Variants in IMMP1L observed in about 807,000 individuals in gnomAD.
IMMP1L encodes mitochondrial inner membrane protease subunit 1.
IMMP1L carries 24 observed loss-of-function variants against 21.8 expected under a neutral mutation model. The ratio of observed to expected loss-of-function variants is 1.10; its 90% CI spans 0.80 to 1.55. The LOEUF (loss-of-function observed/expected upper bound fraction) is 1.55. Ranked by LOEUF, IMMP1L falls within the 40% of genes most tolerant of loss-of-function variation. The probability of loss-of-function intolerance (pLI) is 0.00; values close to 1 mark genes in which losing one functional copy is unlikely to be tolerated. For synonymous variants in IMMP1L, 46 were observed against 62.8 expected, an observed-to-expected ratio of 0.73 and a Z score of 1.26; for missense variants, 195 against 200.7, an observed-to-expected ratio of 0.97 and a Z score of 0.17.
chr11:31,482,260 A>G (rs996292363), intron 1 of IMMP1L, among the ~76,000 whole-genome samples: 1 of 152,124 alleles, frequency 6.6e-6, no homozygotes, highest in Admixed American at 6.6e-5. Context: ...TAAAGCAAAA[A>G]TGCTTTTGAA....
intron 1 of IMMP1L, among the ~76,000 whole-genome samples, chr11:31,497,619 GC>G (rs1335482914): frequency 6.6e-6 from 1 of 151,970 alleles, no homozygotes; most frequent in Non-Finnish European, 1.5e-5. Context: ...GCGCTACCAC[GC>G]CCAGCTAATT....
At chr11:31,447,055 T>C (rs1299540234) in intron 4 of IMMP1L, among the ~76,000 whole-genome samples, 1 of 152,202 alleles carries the variant, frequency 6.6e-6, no homozygotes, top group East Asian at 1.9e-4. Context: ...TTTCCATTAT[T>C]TCAGAAAGTT....
At chr11:31,496,155 C>T (rs1342707904) in intron 1 of IMMP1L, among the ~76,000 whole-genome samples, 2 of 151,244 alleles carry the variant, frequency 1.3e-5, no homozygotes, top group South Asian at 2.1e-4. Flanking sequence ...AATTCAAAAC[C>T]GGCAAAGGTT....
chr11:31,468,265 T>C (rs1258259004), intron 1 of IMMP1L, among the ~76,000 whole-genome samples: 2 of 152,124 alleles, frequency 1.3e-5, no homozygotes, highest in Non-Finnish European at 2.9e-5. Flanking sequence ...CGTAGGAGAA[T>C]GACCTTGTTC....
chr11:31,471,599 C>T (rs1954553071), intron 1 of IMMP1L, among the ~76,000 whole-genome samples: 1 of 152,060 alleles, frequency 6.6e-6, no homozygotes, highest in South Asian at 2.1e-4. Flanking sequence ...TTTAGTACTT[C>T]CTCCAATGTA....
intron 4 of IMMP1L, among the ~76,000 whole-genome samples, chr11:31,454,449 CAAAAAAAAA>C (rs71463320): frequency 2.6e-4 from 8 of 30,406 alleles, no homozygotes; most frequent in African/African-American, 6.3e-4. Flanking sequence ...AAGACCATGT[CAAAAAAAAA>C]AAAAAAAAAA....
intron 4 of IMMP1L, among the ~76,000 whole-genome samples, chr11:31,446,181 T>C (rs1953511220): frequency 6.6e-6 from 1 of 152,166 alleles, no homozygotes; most frequent in African/African-American, 2.4e-5. Context: ...TTTTTAAGCC[T>C]TTCAATTCCC....
rs1214993006 is a variant in IMMP1L, at chr11:31,456,271, T to C, written c.310A>G (p.Ser104Gly). ...GAAATGTTACTTACATAACTATGGC[T>C]TTTAAAGAAATCTGATGGACTAGTG... ...LTTSPSDFFK[S>G]HSYVPMGHVW... is the part of the protein sequence containing the mutation. The change falls in exon 4 of 6, where the codon AGC becomes GGC. Residue 104 changes from serine (S) to glycine (G), a missense_variant. Transcript: ENST00000532287. 1 of 1,595,740 alleles carries C rather than the reference T, an allele frequency of 6.3e-7. No homozygotes were observed. The highest frequency in any genetic ancestry group is 1.7e-5 in the Admixed American group (1 of 59,390).
chr11:31,441,508 A>G (rs1314704962), intron 4 of IMMP1L, among the ~76,000 whole-genome samples: 1 of 152,132 alleles, frequency 6.6e-6, no homozygotes. Context: ...TTAAACAAAC[A>G]TACAGTAAAA....
chr11:31,453,082 T>A (rs1045777474), intron 4 of IMMP1L: 1 of 1,289,370 alleles, frequency 7.8e-7, no homozygotes, highest in African/African-American at 1.5e-5. Flanking sequence ...AACTGCTTAG[T>A]TTCCAAATAC....
At position 31,507,237 on chromosome 11, in the gene IMMP1L, G is replaced by A. The variant is rs1295482222; in HGVS notation, c.-30+2282C>T. ...ACAGCTTGCAGTGAGCCGAGATCGC[G>A]CCACTGCACTCCAGCCCGGGGAACA... On this transcript the variant is annotated intron_variant, in intron 1 of 5. Transcript: ENST00000532287. Among the ~76,000 whole-genome samples the A allele has an allele frequency of 2.6e-5, 4 of 151,924 alleles. No homozygotes were observed. The South Asian group carries it at 8.3e-4, about 31-fold the overall frequency.
At chr11:31,459,694 C>G (rs1954071261) in intron 3 of IMMP1L, among the ~76,000 whole-genome samples, 1 of 152,038 alleles carries the variant, frequency 6.6e-6, no homozygotes, top group African/African-American at 2.4e-5. Context: ...ACCTCCATCT[C>G]CCAGGTTCAA....
rs117132373 is a variant in IMMP1L at position 31,465,625 on chromosome 11, C to A, written c.-29-2320G>T. On this transcript the variant is annotated intron_variant, in intron 1 of 5. Transcript: ENST00000532287. ...TAGACCAATGGGACACAATAGAGAA[C>A]CCAGAAATAAATCCATGTATTTACA... Among the ~76,000 whole-genome samples the A allele has an allele frequency of 1.4e-4, 21 of 152,048 alleles. No individual in the cohort carries two copies. The East Asian group carries it at 4.1e-3, about 29-fold the overall frequency.
intron 1 of IMMP1L, 155 bp downstream of exon 1, chr11:31,509,364 T>C (rs1213610255): frequency 1.8e-5 from 3 of 167,742 alleles, no homozygotes; most frequent in Non-Finnish European, 4.0e-5. Flanking sequence ...AGAAGATAAA[T>C]GAGCAGGAAA....
chr11:31,477,659 C>T (rs1032526677), intron 1 of IMMP1L: 2 of 318,066 alleles, frequency 6.3e-6, no homozygotes, highest in African/African-American at 2.2e-5. Flanking sequence ...AAGGTGTTAC[C>T]GATAATCCCA....
intron 1 of IMMP1L, among the ~76,000 whole-genome samples, chr11:31,470,231 A>C (rs1045104797): frequency 3.9e-5 from 6 of 152,014 alleles, no homozygotes; most frequent in African/African-American, 1.4e-4. Context: ...CTAACCAACA[A>C]GGAGAAACCC....
At position 31,437,995 on chromosome 11, in the gene IMMP1L, TG is replaced by T. The variant is rs1165038572; in HGVS notation, c.322-4426del. Among the ~76,000 whole-genome samples the T allele has an allele frequency of 2.6e-5, 4 of 152,192 alleles. No individual in the cohort carries two copies. The East Asian group carries it at 7.7e-4, about 29-fold the overall frequency. ...ATCTATGAAACTGGAGGTGGATACT[TG>T]GGTTGTTTGCAGTTTGGTGCTAGTA... On this transcript the variant is annotated intron_variant, in intron 4 of 5. Transcript: ENST00000532287.
chr11:31,440,172 A>G (rs1408559687), intron 4 of IMMP1L, among the ~76,000 whole-genome samples: 2 of 152,158 alleles, frequency 1.3e-5, no homozygotes, highest in East Asian at 3.9e-4. Flanking sequence ...TTGTACTGTT[A>G]TCTGAAAACT....
intron 4 of IMMP1L, among the ~76,000 whole-genome samples, chr11:31,454,620 T>C (rs1215921325): frequency 1.3e-5 from 2 of 152,128 alleles, no homozygotes; most frequent in Non-Finnish European, 2.9e-5. Context: ...TAATGTACAA[T>C]TATTATGCAT....
Sources: gnomAD v4.1 joint callset for allele counts (sites outside exome capture counted in the v4.1 genomes callset) on GRCh38, gnomAD v4.1.1 for gene constraint, MANE v1.5 for transcripts, NCBI Gene and HGNC (gene_info 2026-07-23, HGNC 2026-07-21) for gene names.